FIP1L1: variants seen among roughly 807,000 people sequenced by gnomAD.
The protein encoded by FIP1L1 is pre-mRNA 3'-end-processing factor FIP1.
Under a neutral mutation model 84.6 loss-of-function variants are expected in FIP1L1, and 21 were observed. The observed-to-expected ratio is 0.25, with a 90% CI of 0.18 to 0.36. FIP1L1 has a LOEUF of 0.36. FIP1L1 is among the 10% of genes least tolerant of loss of function. The probability of loss-of-function intolerance (pLI) is 1.00; values close to 1 mark genes in which losing one functional copy is unlikely to be tolerated. For missense variants in FIP1L1, 526 were observed against 751.1 expected (o/e 0.70, Z 3.50); for synonymous variants, 263 against 242.3 (o/e 1.09, Z -0.80).
chr4:53,421,168 G>T (rs1271386174), intron 11 of FIP1L1, among the ~76,000 whole-genome samples: 2 of 152,160 alleles, frequency 1.3e-5, no homozygotes, highest in Admixed American at 1.3e-4. Context: ...GGCACCTACG[G>T]TTTTGAAGTA....
chr4:53,435,440 G>A (rs1027544137), intron 13 of FIP1L1, among the ~76,000 whole-genome samples: 3 of 152,126 alleles, frequency 2.0e-5, no homozygotes, highest in Non-Finnish European at 4.4e-5. Flanking sequence ...GAAGCTGGTA[G>A]AGATCATTTC....
At chr4:53,386,814 CTGT>C (rs1442151007) in intron 5 of FIP1L1, among the ~76,000 whole-genome samples, 36 of 152,246 alleles carry the variant, frequency 2.4e-4, no homozygotes, top group African/African-American at 5.1e-4. Flanking sequence ...TATTTTGTTG[CTGT>C]TGTTGTTCTG....
At chr4:53,423,564 T>G (rs140380931) in intron 11 of FIP1L1, among the ~76,000 whole-genome samples, 10 of 152,234 alleles carry the variant, frequency 6.6e-5, no homozygotes, top group African/African-American at 2.4e-4. Flanking sequence ...TTAGATATTA[T>G]GTGCTTTTTG....
chr4:53,391,647 G>A (rs1445657989), intron 9 of FIP1L1, 149 bp downstream of exon 9: 3 of 601,570 alleles, frequency 5.0e-6, no homozygotes, highest in Non-Finnish European at 3.0e-6. Context: ...TTTGCTGATT[G>A]TTGTTTTATC....
At chr4:53,378,775 A>G in intron 1 of FIP1L1, 1 of 353,776 alleles carries the variant, frequency 2.8e-6, no homozygotes, top group Non-Finnish European at 5.1e-6. Flanking sequence ...CCTAAAACAT[A>G]TATTCTTGAT....
At position 53,377,700 on chromosome 4, in the gene FIP1L1, T is replaced by C. The variant is rs1735291691; in HGVS notation, c.-139T>C. ...ATCTTTGCCGCCGCTGCCGTCGCCTTCCTGGGATTGGAGTCTCGAGCTTTC... is the reference window on the plus strand; with the variant it reads ...ATCTTTGCCGCCGCTGCCGTCGCCTCCCTGGGATTGGAGTCTCGAGCTTTC... On this transcript the variant is annotated 5_prime_UTR_variant, in exon 1 of 18. Transcript: ENST00000337488. 1 of 729,066 alleles carries C rather than the reference T, an allele frequency of 1.4e-6. No homozygotes were observed. Among genetic ancestry groups the C allele is most frequent in the Non-Finnish European group, 2.1e-6 (1 of 476,616 alleles). 45.2% of individuals were successfully genotyped at this position (729,066 alleles called of 1,614,324 possible). A position where few individuals can be genotyped will look rare whatever the true frequency, so the allele number is the denominator to read the frequency against.
intron 5 of FIP1L1, among the ~76,000 whole-genome samples, chr4:53,385,175 T>C (rs1740257183): frequency 6.6e-6 from 1 of 152,188 alleles, no homozygotes; most frequent in African/African-American, 2.4e-5. Flanking sequence ...ACTGTAGTAC[T>C]AGTAGGCCTT....
intron 1 of FIP1L1, chr4:53,378,854 T>C (rs1302090898): frequency 1.8e-6 from 1 of 555,788 alleles, no homozygotes; most frequent in Non-Finnish European, 3.1e-6. Context: ...GTGACTTTGA[T>C]AAACTTGTAA....
At chr4:53,453,228 AAG>A (rs1190810366) in intron 16 of FIP1L1, 95 bp downstream of exon 16, 4 of 1,431,728 alleles carry the variant, frequency 2.8e-6, no homozygotes, top group Non-Finnish European at 2.9e-6. Flanking sequence ...TCACTTGGAA[AAG>A]AGATGCTCAG....
chr4:53,450,339 C>T (rs1356847145), intron 15 of FIP1L1, among the ~76,000 whole-genome samples: 1 of 152,174 alleles, frequency 6.6e-6, no homozygotes, highest in Non-Finnish European at 1.5e-5. Flanking sequence ...ATTATTTTCT[C>T]ATAACTTTTA....
chr4:53,449,047 C>G (rs1334378967), intron 15 of FIP1L1, among the ~76,000 whole-genome samples: 1 of 152,038 alleles, frequency 6.6e-6, no homozygotes, highest in Non-Finnish European at 1.5e-5. Flanking sequence ...AATACTCTTG[C>G]AGATAATGAC....
intron 13 of FIP1L1, among the ~76,000 whole-genome samples, chr4:53,432,919 A>G (rs1462567205): frequency 6.6e-6 from 1 of 152,114 alleles, no homozygotes; most frequent in Non-Finnish European, 1.5e-5. Flanking sequence ...AAGTACATGC[A>G]TACGTATTTG....
chr4:53,414,499 G>A (rs1758560829), intron 10 of FIP1L1, 116 bp from the exon 11 acceptor site: 2 of 623,820 alleles, frequency 3.2e-6, no homozygotes, highest in Admixed American at 3.0e-5. Flanking sequence ...GAATGATACT[G>A]TAGGAACATA....
chr4:53,437,098 G>A lies in FIP1L1; in HGVS notation c.1175-5555G>A, dbSNP rs190756332. On this transcript the variant is annotated intron_variant, in intron 13 of 17. Coordinates refer to ENST00000337488, the MANE Select transcript of FIP1L1 (RefSeq NM_030917.4). ...TCACAGCACTTTGGGAGGCTGAGGC[G>A]GGTGGATCGCTTGAGCCCAGGAGTT... Among the ~76,000 whole-genome samples, 22 of 152,076 alleles carry A rather than the reference G, an allele frequency of 1.4e-4. No individual in the cohort carries two copies. The East Asian group carries it at 4.3e-3, about 30-fold the overall frequency.
Position 53,425,966 on chromosome 4 carries a change from G to T in FIP1L1, c.1017+1G>T. On this transcript the variant is annotated splice_donor_variant, in intron 12 of 17. Coordinates refer to ENST00000337488, the MANE Select transcript of FIP1L1 (RefSeq NM_030917.4). LOFTEE classifies it high-confidence loss of function. ...GGCAAATGAGAACAGCAACATACAG[G>T]TTTAGTATTTTAAAATAAATAATTT... The T allele has an allele frequency of 6.3e-7, 1 of 1,598,626 alleles. No homozygotes were observed. The highest frequency in any genetic ancestry group is 8.5e-7 in the Non-Finnish European group (1 of 1,169,930).
rs1458143201 is a variant in FIP1L1 at position 53,377,970 on chromosome 4, C to T, written c.85+47C>T. The T allele has an allele frequency of 3.4e-6, 5 of 1,456,504 alleles. No individual in the cohort carries two copies. The African/African-American group carries it at 4.3e-5, about 13-fold the overall frequency. The allele number at this position is 1,456,504 out of a possible 1,614,324, so 90.2% of individuals were successfully genotyped here. A position where few individuals can be genotyped will look rare whatever the true frequency, so the allele number is the denominator to read the frequency against. On this transcript the variant is annotated intron_variant, in intron 1 of 17. Coordinates refer to ENST00000337488, the MANE Select transcript of FIP1L1 (RefSeq NM_030917.4). ...TCTCTCGGGTTCTCTCAGGCCTCCC[C>T]TCTTGGCCCTCAAACGGCCGGCGTC...
intron 10 of FIP1L1, among the ~76,000 whole-genome samples, chr4:53,407,431 T>C (rs1333480357): frequency 6.6e-6 from 1 of 152,220 alleles, no homozygotes; most frequent in Non-Finnish European, 1.5e-5. Flanking sequence ...TACTTCCATC[T>C]ATGTGGTCAG....
intron 8 of FIP1L1, 108 bp downstream of exon 8, chr4:53,391,247 A>C (rs978300592): frequency 1.5e-6 from 2 of 1,327,520 alleles, no homozygotes; most frequent in African/African-American, 3.0e-5. Context: ...ATGATAGTTT[A>C]AAAATTCCAT....
chr4:53,440,401 A>G (rs1360964413), intron 13 of FIP1L1, among the ~76,000 whole-genome samples: 1 of 151,974 alleles, frequency 6.6e-6, no homozygotes, highest in African/African-American at 2.4e-5. Flanking sequence ...TCATCAAGGA[A>G]GTTGGATGTT....
Sources: gnomAD v4.1 joint callset for allele counts (sites outside exome capture counted in the v4.1 genomes callset) on GRCh38, gnomAD v4.1.1 for gene constraint, MANE v1.5 for transcripts, NCBI Gene and HGNC (gene_info 2026-07-23, HGNC 2026-07-21) for gene names.